LRRFIP1: variants seen among roughly 807,000 people sequenced by gnomAD.
LRRFIP1 encodes leucine-rich repeat flightless-interacting protein 1.
A neutral mutation model predicts 104.4 loss-of-function variants in LRRFIP1; 62 were observed. That is an observed-to-expected ratio of 0.59 (90% CI 0.48 to 0.73). LRRFIP1 has a LOEUF of 0.73. Ranked by LOEUF, LRRFIP1 falls within the 30% of genes least tolerant of loss-of-function variation. LRRFIP1 has a pLI of 0.00. For synonymous variants in LRRFIP1, 300 were observed against 299.0 expected (o/e 1.00, Z -0.03); for missense variants, 796 against 824.5 (o/e 0.97, Z 0.42).
At chr2:237,712,089 C>T (rs894467513) in intron 2 of LRRFIP1, among the ~76,000 whole-genome samples, 4 of 152,168 alleles carry the variant, frequency 2.6e-5, no homozygotes, top group East Asian at 1.9e-4. Context: ...GAGCTCCTGC[C>T]GTGTGGCAGA....
rs888389378 is a variant in LRRFIP1 at position 237,703,666 on chromosome 2, C to T, written c.97-4878C>T. ...GGGTCAAGTTCTCCAGAGCAGCCCC[C>T]GCCCCTGCCACACGTTTCTTCCCCC... On this transcript the variant is annotated intron_variant, in intron 1 of 23. Transcript: ENST00000308482. This position sits in a 1 kb window ranked among gnomAD's most constrained non-coding sequence, Gnocchi z 4.3. 2.6e-5 allele frequency among the ~76,000 whole-genome samples: 4 copies of T among 152,074 alleles called. No homozygotes were observed. Among genetic ancestry groups the T allele is most frequent in the Non-Finnish European group, 5.9e-5 (4 of 68,026 alleles).
intron 19 of LRRFIP1, chr2:237,764,779 G>A (rs1401038291): frequency 2.0e-6 from 2 of 985,808 alleles, no homozygotes; most frequent in Non-Finnish European, 2.4e-6. Context: ...ATGAGTCTTT[G>A]ATCTTGAACC....
intron 2 of LRRFIP1, 99 bp downstream of exon 2, chr2:237,708,729 G>A (rs552342971): frequency 3.8e-6 from 5 of 1,315,536 alleles, no homozygotes; most frequent in African/African-American, 2.9e-5. Context: ...GCACCTGGCT[G>A]TCTCACGTTG....
At chr2:237,665,687 T>C (rs1231577975) in intron 1 of LRRFIP1, among the ~76,000 whole-genome samples, 1 of 152,204 alleles carries the variant, frequency 6.6e-6, no homozygotes, top group East Asian at 1.9e-4. Flanking sequence ...GAGAGTGTGT[T>C]AACATTTTTT....
chr2:237,684,694 A>G (rs1444120984), intron 1 of LRRFIP1, among the ~76,000 whole-genome samples: 1 of 152,042 alleles, frequency 6.6e-6, no homozygotes, highest in African/African-American at 2.4e-5. Flanking sequence ...AGGACTTTTC[A>G]GAGTTTGTGC....
chr2:237,671,247 T>C (rs1470609476), intron 1 of LRRFIP1, among the ~76,000 whole-genome samples: 1 of 152,212 alleles, frequency 6.6e-6, no homozygotes, highest in African/African-American at 2.4e-5. Flanking sequence ...CAAGTGTCCA[T>C]AGTGGTTATA....
At chr2:237,687,410 G>C (rs1199496204) in intron 1 of LRRFIP1, among the ~76,000 whole-genome samples, 1 of 151,970 alleles carries the variant, frequency 6.6e-6, no homozygotes, top group Non-Finnish European at 1.5e-5. Context: ...TTCGAGACCA[G>C]CCTGGCCAAC....
intron 1 of LRRFIP1, among the ~76,000 whole-genome samples, chr2:237,652,823 G>T (rs2086155404): frequency 2.6e-5 from 4 of 152,202 alleles, no homozygotes; most frequent in Non-Finnish European, 4.4e-5. Flanking sequence ...ACTCCAGCCT[G>T]GGCTACAGAG....
intron 1 of LRRFIP1, among the ~76,000 whole-genome samples, chr2:237,675,895 C>G (rs57425464): frequency 0.015 from 2,283 of 152,288 alleles, 51 homozygotes; most frequent in African/African-American, 0.052. Context: ...ATTTTTATAG[C>G]TGGACAGGAT....
At chr2:237,749,447 A>C in intron 13 of LRRFIP1, 123 bp downstream of exon 13, 1 of 1,151,334 alleles carries the variant, frequency 8.7e-7, no homozygotes, top group Non-Finnish European at 1.2e-6. Context: ...TCTCTCCCTC[A>C]CCTCCCCTAA....
In LRRFIP1 at chr2:237,741,733, C is replaced by G. The variant is rs200124809; in HGVS notation, c.633+2424C>G. Among the ~76,000 whole-genome samples, 6 of 151,858 alleles carry G rather than the reference C, an allele frequency of 4.0e-5. No individual in the cohort carries two copies. The East Asian group carries it at 1.2e-3, about 29-fold the overall frequency. Reference sequence around the variant, plus strand: ...ATCCCAGCTACTTGGGAGGCTGAGGCTGAAGAATCACTTGAATACAGGAGG... The same window carrying G: ...ATCCCAGCTACTTGGGAGGCTGAGGGTGAAGAATCACTTGAATACAGGAGG... On this transcript the variant is annotated intron_variant, in intron 11 of 23. Transcript: ENST00000308482.
Position 237,735,196 on chromosome 2 carries a change from C to G in LRRFIP1, c.490-72C>G, listed in dbSNP as rs971081480. On this transcript the variant is annotated intron_variant, in intron 9 of 23. Transcript: ENST00000308482. The surrounding 1 kb of genome is among the most constrained non-coding windows in gnomAD (Gnocchi z 4.6). ...GCACGTGTCAGTTTTTCACAGCTCACGTTTTCAGCACTTTCTGGGCACTCT... is the reference window on the plus strand; with the variant it reads ...GCACGTGTCAGTTTTTCACAGCTCAGGTTTTCAGCACTTTCTGGGCACTCT... 3.0e-6 allele frequency: 4 copies of G among 1,325,652 alleles called. No individual in the cohort carries two copies. 82.1% of individuals were successfully genotyped at this position (1,325,652 alleles called of 1,614,324 possible). A position where few individuals can be genotyped will look rare whatever the true frequency, so the allele number is the denominator to read the frequency against.
chr2:237,736,679 C>T (rs1043149517), intron 10 of LRRFIP1, among the ~76,000 whole-genome samples: 1 of 152,148 alleles, frequency 6.6e-6, no homozygotes, highest in African/African-American at 2.4e-5. Context: ...TTTTAGCCCC[C>T]ACAAGAATTG....
At chr2:237,650,787 T>C (rs1313018692) in intron 1 of LRRFIP1, among the ~76,000 whole-genome samples, 2 of 152,198 alleles carry the variant, frequency 1.3e-5, no homozygotes, top group African/African-American at 2.4e-5. Context: ...GGATTGAATA[T>C]GGGATGGGAG....
chr2:237,719,444 G>A, intron 4 of LRRFIP1, 79 bp from the exon 5 acceptor site: 1 of 899,006 alleles, frequency 1.1e-6, no homozygotes, highest in Non-Finnish European at 1.9e-6. Context: ...TGGTGCAGTG[G>A]GACTACCTAA....
intron 1 of LRRFIP1, among the ~76,000 whole-genome samples, chr2:237,688,868 G>A (rs2092581398): frequency 6.6e-6 from 1 of 151,972 alleles, no homozygotes; most frequent in Non-Finnish European, 1.5e-5. Context: ...ACGTTACTCT[G>A]CCAAGCCATC....
At position 237,753,308 on chromosome 2, in the gene LRRFIP1, G is replaced by A. The variant is rs1265440641; in HGVS notation, c.868-1G>A. ...TCAAAAATATGACCTGCTTTCCACA[G>A]GACTCTCTAGCAGAAGTTGAAGAGA... is the stretch of plus-strand genomic sequence containing the variant. On this transcript the variant is annotated splice_acceptor_variant, in intron 14 of 23. Coordinates refer to ENST00000308482, the MANE Select transcript of LRRFIP1 (RefSeq NM_001137550.2). LOFTEE classifies it high-confidence loss of function. 1 of 1,572,704 alleles carries A rather than the reference G, an allele frequency of 6.4e-7. No individual in the cohort carries two copies. Among genetic ancestry groups the A allele is most frequent in the Non-Finnish European group, 8.6e-7 (1 of 1,168,972 alleles).
chr2:237,675,244 C>T (rs2090978390), intron 1 of LRRFIP1, among the ~76,000 whole-genome samples: 3 of 152,208 alleles, frequency 2.0e-5, no homozygotes, highest in Admixed American at 2.0e-4. Context: ...ATGAGGCCTC[C>T]TTTGCTTTTT....
chr2:237,631,325 C>T (rs1337014031), intron 1 of LRRFIP1, among the ~76,000 whole-genome samples: 2 of 152,200 alleles, frequency 1.3e-5, no homozygotes, highest in Non-Finnish European at 2.9e-5. Flanking sequence ...CAGGGCTTTG[C>T]ACTCTTCTGG....
Sources: allele counts gnomAD v4.1 joint callset (sites outside exome capture counted in the v4.1 genomes callset), GRCh38; gene constraint gnomAD v4.1.1; non-coding constraint Gnocchi (gnomAD v3.1); transcripts MANE v1.5; gene names NCBI Gene and HGNC (gene_info 2026-07-23, HGNC 2026-07-21).